DIAPH2: variants seen among roughly 807,000 people sequenced by gnomAD.
The protein encoded by DIAPH2 is protein diaphanous homolog 2.
A neutral mutation model predicts 92.7 loss-of-function variants in DIAPH2; 35 were observed. That is an observed-to-expected ratio of 0.38 (90% CI 0.29 to 0.50). The LOEUF is 0.50. Ranked by LOEUF, DIAPH2 falls within the 20% of genes least tolerant of loss-of-function variation. The probability of loss-of-function intolerance (pLI) is 0.94; values close to 1 mark genes in which losing one functional copy is unlikely to be tolerated. For synonymous variants in DIAPH2, 301 were observed against 280.4 expected, an observed-to-expected ratio of 1.07 and a Z score of -0.73; for missense variants, 701 against 819.5, an observed-to-expected ratio of 0.86 and a Z score of 1.77.
chrX:97,303,950 ATGT>A (rs1240206497), intron 23 of DIAPH2, among the ~76,000 whole-genome samples: 3 of 111,593 alleles, frequency 2.7e-5, no homozygotes, highest in African/African-American at 9.8e-5. Flanking sequence ...AATTGTTAAA[ATGT>A]TGTTTGTAAC....
At chrX:97,198,937 G>C (rs1300984317) in intron 22 of DIAPH2, among the ~76,000 whole-genome samples, 1 of 110,698 alleles carries the variant, frequency 9.0e-6, no homozygotes, top group Non-Finnish European at 1.9e-5. Flanking sequence ...AAATATATTA[G>C]GTTGACATGT....
At chrX:97,480,897 G>T (rs759792995) in intron 26 of DIAPH2, among the ~76,000 whole-genome samples, 1 of 112,033 alleles carries the variant, frequency 8.9e-6, no homozygotes, top group East Asian at 2.8e-4. Flanking sequence ...CATTTATAAA[G>T]TTAGATGCTA....
chrX:96,806,646 C>CAAAAAAAAAA lies in DIAPH2; in HGVS notation c.447+48397_447+48406dup, dbSNP rs1234663626. On this transcript the variant is annotated intron_variant, in intron 4 of 26. Transcript: ENST00000324765. ...GGGCAACAGTAGTGAAACTCCATCTCAAAAAAAAAAAAAAAAAAGAAACAA... is the reference window on the plus strand; with the variant it reads ...GGGCAACAGTAGTGAAACTCCATCTCAAAAAAAAAAAAAAAAAAAAAAAAAAAAGAAACAA... Among the ~76,000 whole-genome samples, 53 of 34,419 alleles carry CAAAAAAAAAA rather than the reference C, an allele frequency of 1.5e-3. 1 individual carries two copies. Among genetic ancestry groups the CAAAAAAAAAA allele is most frequent in the East Asian group, 7.0e-3 (5 of 714 alleles). 29.9% of individuals were successfully genotyped at this position (34,419 alleles called of 115,157 possible).
At chrX:97,285,383 C>CAAAAAAAAAAAA (rs11336007) in intron 23 of DIAPH2, among the ~76,000 whole-genome samples, 31 of 37,923 alleles carry the variant, frequency 8.2e-4, no homozygotes, top group South Asian at 3.6e-3. Context: ...ACTAAAAATA[C>CAAAAAAAAAAAA]AAAAAAAAAA....
chrX:96,810,597 C>T (rs2064670445), intron 4 of DIAPH2, among the ~76,000 whole-genome samples: 1 of 111,532 alleles, frequency 9.0e-6, no homozygotes, highest in Non-Finnish European at 1.9e-5. Flanking sequence ...CTTGCCCATG[C>T]CTATGTCCTG....
At chrX:96,804,462 T>C (rs2064608441) in intron 4 of DIAPH2, among the ~76,000 whole-genome samples, 1 of 111,948 alleles carries the variant, frequency 8.9e-6, no homozygotes, top group African/African-American at 3.2e-5. Flanking sequence ...CATTGATAAG[T>C]AGCAAAAGAT....
intron 26 of DIAPH2, among the ~76,000 whole-genome samples, chrX:97,505,612 G>A (rs972102583): frequency 7.3e-5 from 8 of 109,827 alleles, no homozygotes; most frequent in Non-Finnish European, 1.5e-4. Context: ...TTCTGCCATG[G>A]TGATCACTGA....
Position 96,994,971 on chromosome X carries a change from C to T in DIAPH2, c.2050+29764C>T, listed in dbSNP as rs192471200. ...ACCATATCAATTACCTGAAGAAGAA[C>T]TGTAGAAAGAGAAAAATAAAGAGGG... On this transcript the variant is annotated intron_variant, in intron 17 of 26. Transcript: ENST00000324765. Among the ~76,000 whole-genome samples the T allele has an allele frequency of 1.4e-3, 152 of 110,908 alleles. 1 individual carries two copies. Among genetic ancestry groups the T allele is most frequent in the African/African-American group, 4.9e-3 (149 of 30,455 alleles).
At chrX:97,348,094 A>C in intron 23 of DIAPH2, 22 bp from the exon 24 acceptor site, 1 of 1,207,454 alleles carries the variant, frequency 8.3e-7, no homozygotes, top group Non-Finnish European at 1.1e-6. Context: ...CTGTTGAGCC[A>C]TGTTCCTTAA....
rs745619339 is a variant in DIAPH2, at chrX:97,029,975, T to C, written c.2051-42966T>C. Among the ~76,000 whole-genome samples, 5 of 111,544 alleles carry C rather than the reference T, an allele frequency of 4.5e-5. No individual in the cohort carries two copies. The South Asian group carries it at 1.9e-3, about 43-fold the overall frequency. ...TCTTCCCACTAGTTTGTGACTCAGG[T>C]TCCTTTTTAACATTCTTCAATGGTT... On this transcript the variant is annotated intron_variant, in intron 17 of 26. Transcript: ENST00000324765.
chrX:97,254,219 C>G (rs954666438), intron 23 of DIAPH2, among the ~76,000 whole-genome samples: 4 of 111,336 alleles, frequency 3.6e-5, no homozygotes, highest in Non-Finnish European at 7.5e-5. Context: ...AGGCTGGGCG[C>G]GGTGGCTCAC....
At chrX:97,303,585 A>G (rs2068724366) in intron 23 of DIAPH2, among the ~76,000 whole-genome samples, 1 of 111,664 alleles carries the variant, frequency 9.0e-6, no homozygotes, top group Admixed American at 9.7e-5. Context: ...CCCAAACTGT[A>G]TTCTACAGAA....
chrX:97,587,708 C>A lies in DIAPH2; in HGVS notation c.3242-11545C>A, dbSNP rs201343668. On this transcript the variant is annotated intron_variant, in intron 26 of 26. Coordinates refer to ENST00000324765, the MANE Select transcript of DIAPH2 (RefSeq NM_006729.5). ...TAGTACCATAATGAGGCTGTCTAGA[C>A]TTTGAAAAGTGTAATATGATCGTGA... is the stretch of plus-strand genomic sequence containing the variant. Among the ~76,000 whole-genome samples the A allele has an allele frequency of 6.3e-5, 7 of 111,978 alleles. No homozygotes were observed. In the East Asian group the frequency reaches 1.7e-3, roughly 27 times the overall value.
At chrX:96,894,126 C>T (rs894582227) in intron 5 of DIAPH2, among the ~76,000 whole-genome samples, 11 of 111,392 alleles carry the variant, frequency 9.9e-5, no homozygotes, top group African/African-American at 3.0e-4. Context: ...AATTTCAAGC[C>T]TTTCATATAC....
At chrX:96,864,869 A>T (rs2065094925) in intron 4 of DIAPH2, among the ~76,000 whole-genome samples, 1 of 111,896 alleles carries the variant, frequency 8.9e-6, no homozygotes, top group African/African-American at 3.2e-5. Context: ...TCATGGCCAA[A>T]TTTGATTAAA....
intron 26 of DIAPH2, among the ~76,000 whole-genome samples, chrX:97,452,764 C>A (rs1260463512): frequency 8.9e-6 from 1 of 112,012 alleles, no homozygotes; most frequent in Non-Finnish European, 1.9e-5. Flanking sequence ...TCTGAGTCAC[C>A]CACGTGAAAA....
At chrX:97,287,661 C>A (rs2147608099) in intron 23 of DIAPH2, among the ~76,000 whole-genome samples, 1 of 105,989 alleles carries the variant, frequency 9.4e-6, no homozygotes, top group South Asian at 4.3e-4. Flanking sequence ...TGGAATCAAG[C>A]TCTTGTCTTT....
chrX:97,350,688 T>C (rs1326398018), intron 24 of DIAPH2, among the ~76,000 whole-genome samples: 1 of 112,500 alleles, frequency 8.9e-6, no homozygotes, highest in Admixed American at 9.5e-5. Context: ...TTTCTGTCTG[T>C]CTTTTGTAAA....
intron 21 of DIAPH2, among the ~76,000 whole-genome samples, chrX:97,133,676 T>C (rs1334815918): frequency 1.8e-5 from 2 of 112,278 alleles, no homozygotes; most frequent in African/African-American, 3.2e-5. Context: ...TCCTATATAA[T>C]GTATGGTAAC....
Sources: allele counts gnomAD v4.1 joint callset (sites outside exome capture counted in the v4.1 genomes callset), GRCh38; gene constraint gnomAD v4.1.1; transcripts MANE v1.5; gene names NCBI Gene and HGNC (gene_info 2026-07-23, HGNC 2026-07-21).